APBB1IP: variants seen among roughly 807,000 people sequenced by gnomAD.
The protein encoded by APBB1IP is amyloid beta precursor protein binding family B member 1 interacting protein.
A neutral mutation model predicts 64.9 loss-of-function variants in APBB1IP; 27 were observed. That is an observed-to-expected ratio of 0.42 (90% CI 0.31 to 0.57). The LOEUF is 0.57. Ranked by LOEUF, APBB1IP falls within the 20% of genes least tolerant of loss-of-function variation. The pLI, the probability that APBB1IP is intolerant of heterozygous loss-of-function variation, is 0.20. For missense variants in APBB1IP, 812 were observed against 845.5 expected, an observed-to-expected ratio of 0.96 and a Z score of 0.49; for synonymous variants, 392 against 331.0, an observed-to-expected ratio of 1.18 and a Z score of -2.00.
intron 2 of APBB1IP, among the ~76,000 whole-genome samples, chr10:26,464,115 C>A (rs1296084689): frequency 6.6e-6 from 1 of 152,186 alleles, no homozygotes; most frequent in East Asian, 1.9e-4. Context: ...ATACTGGACT[C>A]CACATTTTTT....
chr10:26,468,368 T>C (rs945988029), intron 2 of APBB1IP, among the ~76,000 whole-genome samples: 9 of 152,238 alleles, frequency 5.9e-5, no homozygotes, highest in Non-Finnish European at 1.3e-4. Context: ...TAACAAATAT[T>C]CAAGGTATGA....
At chr10:26,531,659 C>A (rs1490057707) in intron 8 of APBB1IP, among the ~76,000 whole-genome samples, 1 of 138,346 alleles carries the variant, frequency 7.2e-6, no homozygotes, top group South Asian at 2.4e-4. Context: ...AGAGCGAGAC[C>A]CCGTCTCAAA....
Position 26,533,535 on chromosome 10 carries a change from A to G in APBB1IP, c.900+10A>G. ...GGAATCCTTACTTGAGGTAAGGTTAATTTTGCAGAGTGGAAGAAAAGAGAA... is the reference window on the plus strand; with the variant it reads ...GGAATCCTTACTTGAGGTAAGGTTAGTTTTGCAGAGTGGAAGAAAAGAGAA... On this transcript the variant is annotated intron_variant, in intron 9 of 14. Transcript: ENST00000376236. 6.4e-7 allele frequency: 1 copy of G among 1,566,950 alleles called. No homozygotes were observed. Among genetic ancestry groups the G allele is most frequent in the South Asian group, 1.2e-5 (1 of 84,164 alleles).
chr10:26,506,248 T>TC (rs1836174858), intron 6 of APBB1IP, among the ~76,000 whole-genome samples: 1 of 30,832 alleles, frequency 3.2e-5, no homozygotes, highest in African/African-American at 8.8e-5. Context: ...ACCGTGTGTG[T>TC]GTGGGGGGGG....
At chr10:26,534,789 T>G (rs537637974) in intron 9 of APBB1IP, among the ~76,000 whole-genome samples, 1 of 152,334 alleles carries the variant, frequency 6.6e-6, no homozygotes, top group South Asian at 2.1e-4. Flanking sequence ...TTCCAGGAAT[T>G]CAGCGATGTT....
Position 26,533,440 on chromosome 10 carries a change from A to G in APBB1IP, c.815A>G (p.Asn272Ser), listed in dbSNP as rs746834972. ...CTGATCTTTTAACATTTTATTTAGA[A>G]TTTCTACTTGGATAACAGAGGAAAA... ...EKYAVFKNPQ[N>S]FYLDNRGKKE... The change falls in exon 9 of 15, where the codon AAT (asparagine) becomes AGT (serine). Residue 272 changes from asparagine (N) to serine (S), a missense_variant and splice_region_variant. Physicochemically the swap from Asn to Ser is conservative, Grantham distance 46. Around this residue, in one of 3 missense-constraint regions of APBB1IP, gnomAD observed 394 missense variants for 413.1 expected, o/e 0.95. Transcript: ENST00000376236. 6.3e-6 allele frequency: 10 copies of G among 1,576,300 alleles called. No individual in the cohort carries two copies. The highest frequency in any genetic ancestry group is 8.7e-6 in the Non-Finnish European group (10 of 1,152,696).
intron 2 of APBB1IP, among the ~76,000 whole-genome samples, chr10:26,447,103 G>A (rs979738202): frequency 1.3e-5 from 2 of 152,056 alleles, no homozygotes; most frequent in African/African-American, 4.8e-5. Context: ...GAGGGGTGTG[G>A]TGGCTCATGC....
At position 26,541,598 on chromosome 10, in the gene APBB1IP, C is replaced by A. The variant is rs777167702; in HGVS notation, c.1061C>A (p.Ala354Glu). ...KGKTKTSRDL[A>E]CFIQFENVNI... ...GTCTTTCAGACATCTCGAGATCTGG[C>A]GTGTTTTATACAGTTTGAAAATGTC... Residue 354 changes from alanine (A) to glutamate (E), a missense_variant, in exon 11 of 15, where the codon GCG (alanine) becomes GAG (glutamate). Transcript: ENST00000376236. 4.3e-6 allele frequency: 7 copies of A among 1,609,508 alleles called. No homozygotes were observed. The highest frequency in any genetic ancestry group is 5.9e-6 in the Non-Finnish European group (7 of 1,178,234).
chr10:26,479,380 T>G (rs1391001743), intron 2 of APBB1IP, among the ~76,000 whole-genome samples: 1 of 151,522 alleles, frequency 6.6e-6, no homozygotes, highest in Admixed American at 6.6e-5. Flanking sequence ...ATTTTTTAAA[T>G]AAAATAAAGA....
At chr10:26,474,064 CT>C (rs1280267278) in intron 2 of APBB1IP, among the ~76,000 whole-genome samples, 1 of 146,004 alleles carries the variant, frequency 6.8e-6, no homozygotes, top group Non-Finnish European at 1.5e-5. Flanking sequence ...ACTATTTCTC[CT>C]TTTGGTTTCA....
chr10:26,456,746 A>G (rs1477577153), intron 2 of APBB1IP, among the ~76,000 whole-genome samples: 2 of 151,100 alleles, frequency 1.3e-5, no homozygotes, highest in African/African-American at 2.4e-5. Context: ...CTAAAAAAAA[A>G]AAAAAAAAAA....
At chr10:26,482,643 A>G (rs1429654957) in intron 2 of APBB1IP, among the ~76,000 whole-genome samples, 1 of 152,158 alleles carries the variant, frequency 6.6e-6, no homozygotes, top group Non-Finnish European at 1.5e-5. Flanking sequence ...CTACTGATTT[A>G]TTTCCTAGAA....
intron 2 of APBB1IP, among the ~76,000 whole-genome samples, chr10:26,486,717 G>A (rs573098326): frequency 1.3e-5 from 2 of 152,184 alleles, no homozygotes; most frequent in South Asian, 4.2e-4. Flanking sequence ...CTCTGCCGTC[G>A]ATATAAACAT....
intron 2 of APBB1IP, among the ~76,000 whole-genome samples, chr10:26,489,803 T>A (rs1835933797): frequency 6.6e-6 from 1 of 152,220 alleles, no homozygotes; most frequent in Non-Finnish European, 1.5e-5. Flanking sequence ...GGTGGGTGGA[T>A]CACTTGAGGT....
chr10:26,497,743 T>TC (rs1392665528), intron 4 of APBB1IP, among the ~76,000 whole-genome samples: 2 of 146,950 alleles, frequency 1.4e-5, no homozygotes, highest in Non-Finnish European at 3.0e-5. Context: ...TTTTTTTTTT[T>TC]TCAGGCAGAG....
chr10:26,496,055 T>C (rs1451282709), intron 3 of APBB1IP, among the ~76,000 whole-genome samples: 1 of 149,208 alleles, frequency 6.7e-6, no homozygotes, highest in Non-Finnish European at 1.5e-5. Context: ...AAAAATTAAC[T>C]ACCTCATTAT....
chr10:26,492,625 G>A (rs1488047556), intron 3 of APBB1IP, among the ~76,000 whole-genome samples: 1 of 152,130 alleles, frequency 6.6e-6, no homozygotes, highest in Non-Finnish European at 1.5e-5. Flanking sequence ...TCCAGGGGAG[G>A]CATCACATGT....
intron 8 of APBB1IP, among the ~76,000 whole-genome samples, chr10:26,520,821 G>C (rs967779816): frequency 6.6e-6 from 1 of 152,160 alleles, no homozygotes; most frequent in African/African-American, 2.4e-5. Flanking sequence ...CAAATCCAGC[G>C]TGAAAACCAC....
chr10:26,553,152 G>T (rs1836853227), intron 11 of APBB1IP, among the ~76,000 whole-genome samples: 1 of 152,000 alleles, frequency 6.6e-6, no homozygotes, highest in African/African-American at 2.4e-5. Context: ...CTCCTGAGTA[G>T]CTGGGATTAC....
Sources: allele counts gnomAD v4.1 joint callset (sites outside exome capture counted in the v4.1 genomes callset), GRCh38; gene constraint gnomAD v4.1.1; regional missense constraint gnomAD v4.1.1; transcripts MANE v1.5; gene names NCBI Gene and HGNC (gene_info 2026-07-23, HGNC 2026-07-21).